MTCL2: variants seen among roughly 807,000 people sequenced by gnomAD.
MTCL2 encodes the protein microtubule cross-linking factor 2.
At chr20:36,849,585 C>A in the MTCL2 span, among the ~76,000 whole-genome samples, 3 of 152,140 alleles carry the variant, frequency 2.0e-5, no homozygotes, top group Non-Finnish European at 2.9e-5. Flanking sequence ...CTGGCACACA[C>A]CACCATGCCT....
the MTCL2 span, among the ~76,000 whole-genome samples, chr20:36,854,544 G>A: frequency 2.0e-5 from 3 of 152,168 alleles, no homozygotes; most frequent in Non-Finnish European, 2.9e-5. Context: ...TCCAGCACCC[G>A]CAGAGCTTGG....
the MTCL2 span, chr20:36,780,536 G>T: frequency 6.6e-6 from 1 of 152,230 alleles, no homozygotes; most frequent in Non-Finnish European, 1.5e-5. Flanking sequence ...AGTGAAGGGG[G>T]TGAGGAGAGT....
At chr20:36,785,521 C>A in the MTCL2 span, 1 of 985,436 alleles carries the variant, frequency 1.0e-6, no homozygotes, top group Non-Finnish European at 1.2e-6. Flanking sequence ...CCTGGCCAAC[C>A]AAGAATCTCT....
the MTCL2 span, among the ~76,000 whole-genome samples, chr20:36,846,510 C>CTTT: frequency 1.3e-5 from 2 of 152,232 alleles, no homozygotes; most frequent in African/African-American, 4.8e-5. Context: ...CTAGAGAATG[C>CTTT]TTTTTTGCTC....
the MTCL2 span, among the ~76,000 whole-genome samples, chr20:36,803,447 T>G: frequency 2.0e-5 from 3 of 152,048 alleles, no homozygotes; most frequent in Non-Finnish European, 2.9e-5. Context: ...AAAGGGAATG[T>G]GCAACCTTTA....
At chr20:36,826,157 C>T in the MTCL2 span, among the ~76,000 whole-genome samples, 5 of 151,910 alleles carry the variant, frequency 3.3e-5, no homozygotes, top group Admixed American at 3.3e-4. Context: ...CAGGTGCCCG[C>T]CATCACTCCT....
chr20:36,785,386 A>G, the MTCL2 span: 671 of 983,846 alleles, frequency 6.8e-4, 1 homozygote, highest in Non-Finnish European at 7.8e-4. Flanking sequence ...AAAATAAAGT[A>G]AACCACCTTA....
At chr20:36,812,966 G>T in the MTCL2 span, 1 of 1,213,150 alleles carries the variant, frequency 8.2e-7, no homozygotes, top group Non-Finnish European at 1.1e-6. Flanking sequence ...CCCACCTGAG[G>T]GCTGGGACCC....
chr20:36,810,078 C>G, the MTCL2 span: 1 of 1,598,974 alleles, frequency 6.3e-7, no homozygotes, highest in Non-Finnish European at 8.5e-7. Flanking sequence ...TGTCGTGGGC[C>G]TCAGCCAGCA....
chr20:36,794,721 C>A, the MTCL2 span: 5 of 1,249,782 alleles, frequency 4.0e-6, no homozygotes, highest in East Asian at 2.4e-5. This position sits in a 1 kb window ranked among gnomAD's most constrained non-coding sequence, Gnocchi z 5.4. Context: ...TTGTTCACCT[C>A]TTGTAGAGAT....
chr20:36,829,229 G>A, the MTCL2 span: 1 of 1,598,014 alleles, frequency 6.3e-7, no homozygotes, highest in South Asian at 1.1e-5. Context: ...AGGGGTGGGA[G>A]AGAGAAGGAT....
chr20:36,786,468 G>A, the MTCL2 span: 1 of 1,521,224 alleles, frequency 6.6e-7, no homozygotes, highest in Non-Finnish European at 8.8e-7. Context: ...GTTGAGGCGG[G>A]GAGCTTGGCT....
the MTCL2 span, among the ~76,000 whole-genome samples, chr20:36,831,666 G>A: frequency 2.0e-5 from 3 of 152,150 alleles, no homozygotes; most frequent in Admixed American, 6.6e-5. Context: ...CGAGGATCTC[G>A]TAGGACAGCC....
chr20:36,850,363 T>C, the MTCL2 span, among the ~76,000 whole-genome samples: 2 of 151,878 alleles, frequency 1.3e-5, no homozygotes, highest in African/African-American at 4.8e-5. Flanking sequence ...ACCGTCTCTA[T>C]AAAAATACAA....
the MTCL2 span, chr20:36,803,143 G>A: frequency 5.1e-6 from 8 of 1,567,448 alleles, no homozygotes; most frequent in African/African-American, 1.1e-4. Context: ...CTGGCAGCAG[G>A]AGGCCACTCC....
the MTCL2 span, among the ~76,000 whole-genome samples, chr20:36,823,830 A>G: frequency 6.6e-6 from 1 of 152,208 alleles, no homozygotes; most frequent in Non-Finnish European, 1.5e-5. Flanking sequence ...ATAATAAAAT[A>G]AATAAACTAA....
chr20:36,863,322 G>C, the MTCL2 span: 2 of 1,179,624 alleles, frequency 1.7e-6, no homozygotes, highest in Non-Finnish European at 2.1e-6. The surrounding 1 kb of genome is among the most constrained non-coding windows in gnomAD (Gnocchi z 6.2). Context: ...CCGGACCGGG[G>C]GCTCGGCCGC....
the MTCL2 span, chr20:36,863,505 G>A: frequency 2.5e-6 from 1 of 402,908 alleles, no homozygotes; most frequent in Non-Finnish European, 3.6e-6. The surrounding 1 kb of genome is among the most constrained non-coding windows in gnomAD (Gnocchi z 6.2). Flanking sequence ...GCCCCGCCGC[G>A]CGGTCTCTCC....
chr20:36,794,741 G>T, the MTCL2 span: 2 of 1,043,474 alleles, frequency 1.9e-6, no homozygotes, highest in Non-Finnish European at 2.9e-6. This position sits in a 1 kb window ranked among gnomAD's most constrained non-coding sequence, Gnocchi z 5.4. Flanking sequence ...TGTTGTTGGT[G>T]CCCAGTCCCA....
Sources: gnomAD v4.1 joint callset for allele counts (sites outside exome capture counted in the v4.1 genomes callset) on GRCh38, gnomAD v4.1.1 for gene constraint, Gnocchi (gnomAD v3.1) non-coding constraint, MANE v1.5 for transcripts, NCBI Gene and HGNC (gene_info 2026-07-23, HGNC 2026-07-21) for gene names.